The following RGS7 variants were observed in gnomAD, a reference collection of about 807,000 sequenced individuals.
RGS7 encodes regulator of G-protein signaling 7.
A neutral mutation model predicts 81.1 loss-of-function variants in RGS7; 27 were observed. That is an observed-to-expected ratio of 0.33 (90% CI 0.25 to 0.46). The LOEUF (loss-of-function observed/expected upper bound fraction) is 0.46, where lower values mean the gene tolerates loss of function less well. RGS7 is among the 20% of genes least tolerant of loss of function. The probability of loss-of-function intolerance (pLI) is 1.00; values close to 1 mark genes in which losing one functional copy is unlikely to be tolerated. For missense variants in RGS7, 396 were observed against 607.4 expected (o/e 0.65, Z 3.66); for synonymous variants, 208 against 207.7 (o/e 1.00, Z -0.01).
intron 2 of RGS7, among the ~76,000 whole-genome samples, chr1:241,223,324 T>C (rs2075122779): frequency 2.0e-5 from 3 of 152,220 alleles, no homozygotes; most frequent in African/African-American, 7.2e-5. Flanking sequence ...TGGATGTCCC[T>C]GGTTGGCAAA....
rs945733392 is a variant in RGS7 at position 241,304,749 on chromosome 1, G to A, written c.78+50950C>T. On this transcript the variant is annotated intron_variant, in intron 2 of 18. Transcript: ENST00000440928. ...AGTGGACATTAATGATAGTTACTGC[G>A]CTGGCTTAAAAATAAAGAAAAAGTA... Among the ~76,000 whole-genome samples, 10 of 152,258 alleles carry A rather than the reference G, an allele frequency of 6.6e-5. No homozygotes were observed. In the East Asian group the frequency reaches 9.6e-4, roughly 15 times the overall value.
chr1:240,855,337 A>G (rs1003847283), intron 9 of RGS7, among the ~76,000 whole-genome samples: 3 of 149,528 alleles, frequency 2.0e-5, no homozygotes, highest in Non-Finnish European at 4.4e-5. Flanking sequence ...AGGAGAAACA[A>G]AGAAGAAAAG....
chr1:240,875,745 A>G (rs1665295861), intron 6 of RGS7, among the ~76,000 whole-genome samples: 1 of 152,196 alleles, frequency 6.6e-6, no homozygotes, highest in Admixed American at 6.5e-5. Flanking sequence ...GTGTGAGGCA[A>G]TATCTCACTG....
chr1:241,301,520 T>C (rs900414808), intron 2 of RGS7, among the ~76,000 whole-genome samples: 3 of 152,174 alleles, frequency 2.0e-5, no homozygotes, highest in African/African-American at 4.8e-5. Flanking sequence ...GATGAACTGG[T>C]AGAGAGAGCA....
chr1:241,083,162 G>A (rs1224406672), intron 3 of RGS7, among the ~76,000 whole-genome samples: 1 of 150,166 alleles, frequency 6.7e-6, no homozygotes, highest in African/African-American at 2.5e-5. Flanking sequence ...GAGGCAAGAG[G>A]TTGTAGTGAG....
At chr1:241,195,425 G>A (rs932729914) in intron 2 of RGS7, among the ~76,000 whole-genome samples, 2 of 152,028 alleles carry the variant, frequency 1.3e-5, no homozygotes, top group African/African-American at 4.8e-5. Flanking sequence ...GCAGTGAGCC[G>A]AGATCGCGCC....
chr1:241,066,070 A>G (rs1473762077), intron 3 of RGS7, among the ~76,000 whole-genome samples: 1 of 152,234 alleles, frequency 6.6e-6, no homozygotes, highest in African/African-American at 2.4e-5. Flanking sequence ...AGCATAAAGT[A>G]TATCTTATAA....
At chr1:241,116,834 T>C (rs750835449) in intron 2 of RGS7, among the ~76,000 whole-genome samples, 23 of 152,226 alleles carry the variant, frequency 1.5e-4, no homozygotes, top group Non-Finnish European at 3.2e-4. Context: ...ATATGATATA[T>C]GTTATTGTTA....
intron 2 of RGS7, among the ~76,000 whole-genome samples, chr1:241,221,015 A>AGAG (rs1200426779): frequency 3.5e-4 from 36 of 103,914 alleles, no homozygotes; most frequent in African/African-American, 9.8e-4. Flanking sequence ...GAAAGGAAGG[A>AGAG]AGGAAGGAAG....
At chr1:241,135,426 G>C (rs2067434645) in intron 2 of RGS7, among the ~76,000 whole-genome samples, 1 of 152,018 alleles carries the variant, frequency 6.6e-6, no homozygotes, top group Admixed American at 6.6e-5. Context: ...GACTCCGTCT[G>C]AACAACAACA....
intron 2 of RGS7, among the ~76,000 whole-genome samples, chr1:241,284,111 T>C (rs1362074337): frequency 2.6e-5 from 4 of 152,238 alleles, no homozygotes; most frequent in Non-Finnish European, 5.9e-5. Flanking sequence ...CAGATAATTT[T>C]AGCATCTTTG....
intron 6 of RGS7, among the ~76,000 whole-genome samples, chr1:240,899,605 T>A (rs1669649666): frequency 6.6e-6 from 1 of 152,226 alleles, no homozygotes; most frequent in Non-Finnish European, 1.5e-5. Context: ...GAATGTTGAA[T>A]GTTGGCCCCT....
chr1:241,134,266 A>G (rs1357776177), intron 2 of RGS7, among the ~76,000 whole-genome samples: 1 of 152,222 alleles, frequency 6.6e-6, no homozygotes, highest in African/African-American at 2.4e-5. Context: ...GTGCTGCTCC[A>G]GACCTATCTT....
intron 2 of RGS7, among the ~76,000 whole-genome samples, chr1:241,272,760 T>C (rs887015630): frequency 2.0e-5 from 3 of 152,196 alleles, no homozygotes; most frequent in African/African-American, 7.2e-5. Flanking sequence ...TTTTCCTCTC[T>C]ATTTTGCAAA....
chr1:240,866,230 G>A (rs1663207122), intron 9 of RGS7, among the ~76,000 whole-genome samples: 2 of 152,152 alleles, frequency 1.3e-5, no homozygotes, highest in African/African-American at 2.4e-5. Context: ...AAGGGATGAT[G>A]GCCGGGCGCG....
chr1:241,032,915 T>C (rs72758827), intron 3 of RGS7, among the ~76,000 whole-genome samples: 1 of 152,176 alleles, frequency 6.6e-6, no homozygotes, highest in Admixed American at 6.5e-5. Context: ...TAAGATCATA[T>C]TGTCAGCAAG....
intron 2 of RGS7, among the ~76,000 whole-genome samples, chr1:241,216,848 C>A (rs1429037932): frequency 6.6e-6 from 1 of 152,164 alleles, no homozygotes; most frequent in Non-Finnish European, 1.5e-5. Flanking sequence ...AGACAGCCTG[C>A]CTAAGAATGA....
At chr1:241,055,883 T>C (rs1245580306) in intron 3 of RGS7, among the ~76,000 whole-genome samples, 4 of 152,218 alleles carry the variant, frequency 2.6e-5, no homozygotes, top group African/African-American at 9.7e-5. Context: ...CTTGTCACTT[T>C]GGAGATTCCA....
intron 2 of RGS7, among the ~76,000 whole-genome samples, chr1:241,120,058 G>T (rs2066144110): frequency 6.6e-6 from 1 of 152,144 alleles, no homozygotes; most frequent in South Asian, 2.1e-4. Context: ...AAAATACATT[G>T]GTTTTCTCTT....
Sources: gnomAD v4.1 joint callset for allele counts (sites outside exome capture counted in the v4.1 genomes callset) on GRCh38, gnomAD v4.1.1 for gene constraint, MANE v1.5 for transcripts, NCBI Gene and HGNC (gene_info 2026-07-23, HGNC 2026-07-21) for gene names.